Variants in NAT1 observed in about 807,000 individuals in gnomAD.
NAT1 encodes the protein arylamine N-acetyltransferase 1.
For synonymous variants in NAT1, 144 were observed against 122.6 expected (o/e 1.17, Z -1.16); for missense variants, 400 against 339.2 (o/e 1.18, Z -1.41).
At chr8:18,207,608 A>G (rs1407718651), upstream of NAT1, among the ~76,000 whole-genome samples, 1 of 152,174 alleles carries the variant, frequency 6.6e-6, no homozygotes, top group Non-Finnish European at 1.5e-5. Flanking sequence ...TTAAAACATC[A>G]AGAAAAACAG....
At chr8:18,185,406 G>C (rs560524555) in intron 2 of NAT1, among the ~76,000 whole-genome samples, 50 of 152,086 alleles carry the variant, frequency 3.3e-4, no homozygotes, top group Non-Finnish European at 6.9e-4. Flanking sequence ...AATGTGTTAA[G>C]TTTACCAAAA....
chr8:18,207,076 A>G (rs1803755993), upstream of NAT1, among the ~76,000 whole-genome samples: 1 of 151,988 alleles, frequency 6.6e-6, no homozygotes, highest in South Asian at 2.1e-4. Flanking sequence ...GTCTAGTTTC[A>G]TTTTTCTGTG....
Position 18,223,005 on chromosome 8 carries a change from T to C in NAT1, c.*85T>C, listed in dbSNP as rs1805511721. 2 of 1,103,732 alleles carry C rather than the reference T, an allele frequency of 1.8e-6. No individual in the cohort carries two copies. Among genetic ancestry groups the C allele is most frequent in the African/African-American group, 1.6e-5 (1 of 61,832 alleles). The allele number at this position is 1,103,732 out of a possible 1,614,324, so 68.4% of individuals were successfully genotyped here. On this transcript the variant is annotated 3_prime_UTR_variant, in exon 3 of 3. Transcript: ENST00000307719. ...ACCTATCATGTATCTTCTGTACCCT[T>C]ACCTTATTTTGAAGAAAATCCTAGA...
chr8:18,189,679 C>T (rs912106647), intron 2 of NAT1, among the ~76,000 whole-genome samples: 1 of 152,150 alleles, frequency 6.6e-6, no homozygotes, highest in African/African-American at 2.4e-5. Context: ...TCTCCGAATT[C>T]CCTTGCAGTA....
intron 2 of NAT1, among the ~76,000 whole-genome samples, chr8:18,173,349 T>A (rs1211469700): frequency 6.6e-6 from 1 of 152,222 alleles, no homozygotes; most frequent in African/African-American, 2.4e-5. Context: ...ATCTGTCTTC[T>A]ACAATAGGTC....
upstream of NAT1, among the ~76,000 whole-genome samples, chr8:18,208,105 G>C (rs1176610531): frequency 6.6e-6 from 1 of 151,936 alleles, no homozygotes; most frequent in Non-Finnish European, 1.5e-5. Flanking sequence ...AGACACACTG[G>C]GGCCCGTTGG....
At chr8:18,216,093 G>C (rs1174466606) in intron 1 of NAT1, among the ~76,000 whole-genome samples, 2 of 152,070 alleles carry the variant, frequency 1.3e-5, no homozygotes. Flanking sequence ...TAAACAAAAG[G>C]GGCAGAGGAA....
Position 18,195,845 on chromosome 8 carries a change from G to C in NAT1, n.93-13936G>C, listed in dbSNP as rs79870602. Among the ~76,000 whole-genome samples the C allele has an allele frequency of 8.0e-3, 1,208 of 151,754 alleles. 15 individuals are homozygous for C. Among genetic ancestry groups the C allele is most frequent in the African/African-American group, 0.027 (1,131 of 41,344 alleles). Reference sequence around the variant, plus strand: ...TTCTCCTTGCATTCTACCTGATGGGGATCAGATCTTTTCGACCTACCAGTT... The same window carrying C: ...TTCTCCTTGCATTCTACCTGATGGGCATCAGATCTTTTCGACCTACCAGTT... On this transcript the variant is annotated intron_variant and non_coding_transcript_variant, in intron 2 of 4. Coordinates refer to the NAT1 transcript ENST00000517441.
chr8:18,190,262 T>C (rs1236819977), intron 2 of NAT1, among the ~76,000 whole-genome samples: 1 of 152,256 alleles, frequency 6.6e-6, no homozygotes, highest in Non-Finnish European at 1.5e-5. Flanking sequence ...AATTAAGTGC[T>C]TCAGAACTTT....
chr8:18,207,615 A>G (rs1326004920), upstream of NAT1, among the ~76,000 whole-genome samples: 1 of 152,166 alleles, frequency 6.6e-6, no homozygotes. Context: ...ATCAAGAAAA[A>G]CAGATGCCAG....
chr8:18,212,690 C>T (rs1563185224), intron 1 of NAT1: 2 of 152,478 alleles, frequency 1.3e-5, no homozygotes, highest in South Asian at 4.1e-4. Flanking sequence ...CAAAGAGAGT[C>T]TAGGGTACAG....
intron 1 of NAT1, chr8:18,216,981 C>A: frequency 1.3e-6 from 2 of 1,550,542 alleles, no homozygotes; most frequent in Non-Finnish European, 1.7e-6. Flanking sequence ...CTCTGATGAT[C>A]ACCATGTTTC....
chr8:18,211,973 A>C (rs866415220), intron 1 of NAT1, among the ~76,000 whole-genome samples: 3 of 152,310 alleles, frequency 2.0e-5, no homozygotes, highest in African/African-American at 7.2e-5. Context: ...TGTAGCCTTA[A>C]GGCCTTACAG....
At chr8:18,182,200 T>C (rs1214960852) in intron 2 of NAT1, among the ~76,000 whole-genome samples, 3 of 152,198 alleles carry the variant, frequency 2.0e-5, no homozygotes, top group Non-Finnish European at 4.4e-5. Context: ...AGGTGTCTTC[T>C]TGCAAGGATA....
At chr8:18,178,120 C>T (rs1376130874) in intron 2 of NAT1, among the ~76,000 whole-genome samples, 5 of 152,108 alleles carry the variant, frequency 3.3e-5, no homozygotes, top group African/African-American at 1.2e-4. Flanking sequence ...ATGGCAAGTG[C>T]TAGCTGACAC....
intron 2 of NAT1, among the ~76,000 whole-genome samples, chr8:18,174,127 G>A (rs958821259): frequency 3.9e-5 from 6 of 152,024 alleles, no homozygotes; most frequent in Non-Finnish European, 4.4e-5. Flanking sequence ...TAGAAGAAAC[G>A]GAACATTTTG....
intron 2 of NAT1, among the ~76,000 whole-genome samples, chr8:18,187,105 G>A (rs543767673): frequency 9.2e-5 from 14 of 152,110 alleles, no homozygotes; most frequent in Non-Finnish European, 1.8e-4. Flanking sequence ...CGGAACTGGT[G>A]TAAATATAAG....
chr8:18,195,124 G>C (rs1803180352), intron 2 of NAT1, among the ~76,000 whole-genome samples: 1 of 152,170 alleles, frequency 6.6e-6, no homozygotes, highest in South Asian at 2.1e-4. Flanking sequence ...AGGAGCCTCT[G>C]CACAGGAGAC....
upstream of NAT1, among the ~76,000 whole-genome samples, chr8:18,207,018 G>A (rs1380390328): frequency 6.6e-6 from 1 of 152,128 alleles, no homozygotes; most frequent in Non-Finnish European, 1.5e-5. Context: ...TTATATTTAA[G>A]TCTTTAATCC....
Sources: allele counts gnomAD v4.1 joint callset (sites outside exome capture counted in the v4.1 genomes callset), GRCh38; gene constraint gnomAD v4.1.1; transcripts MANE v1.5; gene names NCBI Gene and HGNC (gene_info 2026-07-23, HGNC 2026-07-21).